The following EYS variants were observed in gnomAD, a reference collection of about 807,000 sequenced individuals.
The protein encoded by EYS is EGF-like photoreceptor maintenance factor.
EYS carries 250 observed loss-of-function variants against 282.1 expected under a neutral mutation model. The ratio of observed to expected loss-of-function variants is 0.89; its 90% CI spans 0.80 to 0.98. The LOEUF (loss-of-function observed/expected upper bound fraction) is 0.98, where lower values mean the gene tolerates loss of function less well. Among genes scored for constraint, EYS ranks in the 50% least tolerant of loss-of-function variants. EYS has a pLI of 0.00. For synonymous variants in EYS, 1,355 were observed against 1,282.9 expected, an observed-to-expected ratio of 1.06 and a Z score of -1.20; for missense variants, 4,016 against 3,709.0, an observed-to-expected ratio of 1.08 and a Z score of -2.15.
chr6:65,308,051 C>T lies in EYS; in HGVS notation c.1767-11932G>A, dbSNP rs1282187594. Among the ~76,000 whole-genome samples, 103 of 138,328 alleles carry T rather than the reference C, an allele frequency of 7.4e-4. 1 individual carries two copies. Among genetic ancestry groups the T allele is most frequent in the African/African-American group, 2.5e-3 (93 of 36,978 alleles). The allele number at this position is 138,328 out of a possible 152,430, so 90.7% of individuals were successfully genotyped here. A position where few individuals can be genotyped will look rare whatever the true frequency, so the allele number is the denominator to read the frequency against. ...GCAGTGGTGTGATCTCAGCTCACTG[C>T]AGCCTCCACCTCCCGGGTTCAAGCG... On this transcript the variant is annotated intron_variant, in intron 11 of 42. Transcript: ENST00000503581.
chr6:64,385,174 T>C (rs1368311643), intron 29 of EYS, among the ~76,000 whole-genome samples: 1 of 152,204 alleles, frequency 6.6e-6, no homozygotes, highest in Non-Finnish European at 1.5e-5. Flanking sequence ...AGAAACATAT[T>C]CAGAAGGCTG....
At chr6:63,762,834 A>T (rs1769682096) in intron 40 of EYS, among the ~76,000 whole-genome samples, 1 of 152,096 alleles carries the variant, frequency 6.6e-6, no homozygotes, top group African/African-American at 2.4e-5. Context: ...AAGACTTTAA[A>T]CGATTCAGAG....
intron 12 of EYS, among the ~76,000 whole-genome samples, chr6:65,195,779 A>C (rs368384790): frequency 6.6e-6 from 1 of 152,206 alleles, no homozygotes; most frequent in East Asian, 1.9e-4. Context: ...GCTGGCATAG[A>C]GATAAATTTG....
At chr6:64,099,063 T>C (rs1772735412) in intron 31 of EYS, among the ~76,000 whole-genome samples, 1 of 152,226 alleles carries the variant, frequency 6.6e-6, no homozygotes. Flanking sequence ...GATATTCTAA[T>C]GCCTCAATCC....
At chr6:64,513,121 T>C (rs1002011660) in intron 26 of EYS, among the ~76,000 whole-genome samples, 3 of 151,940 alleles carry the variant, frequency 2.0e-5, no homozygotes, top group South Asian at 2.1e-4. Context: ...ATCAGGTTCT[T>C]ATAAATCTAA....
At chr6:64,450,749 G>A (rs1244084948) in intron 26 of EYS, among the ~76,000 whole-genome samples, 1 of 152,174 alleles carries the variant, frequency 6.6e-6, no homozygotes, top group Non-Finnish European at 1.5e-5. Context: ...ACCTGCTCCT[G>A]AATGACTACT....
At position 64,276,117 on chromosome 6, in the gene EYS, A is replaced by C. The variant is rs961231077; in HGVS notation, c.6191+30853T>G. 2.6e-5 allele frequency among the ~76,000 whole-genome samples: 4 copies of C among 152,218 alleles called. No homozygotes were observed. The South Asian group carries it at 6.2e-4, about 24-fold the overall frequency. On this transcript the variant is annotated intron_variant, in intron 30 of 42. Transcript: ENST00000503581. ...TATTTTCTTTCCTTCTGAATATTTTAAGGTTTGGTCTTTAGATACCCCTTG... is the reference window on the plus strand; with the variant it reads ...TATTTTCTTTCCTTCTGAATATTTTCAGGTTTGGTCTTTAGATACCCCTTG...
At chr6:64,104,942 T>C (rs1381422231) in intron 31 of EYS, among the ~76,000 whole-genome samples, 2 of 151,896 alleles carry the variant, frequency 1.3e-5, no homozygotes, top group Non-Finnish European at 2.9e-5. Context: ...TGGGACTAGA[T>C]AAAGTATGAA....
At chr6:63,775,232 C>T (rs1770036469) in intron 40 of EYS, among the ~76,000 whole-genome samples, 1 of 152,292 alleles carries the variant, frequency 6.6e-6, no homozygotes, top group East Asian at 1.9e-4. Context: ...GAAACCTTAT[C>T]AGGCCCCATC....
chr6:64,030,714 G>A (rs1769781507), intron 33 of EYS, among the ~76,000 whole-genome samples: 2 of 152,174 alleles, frequency 1.3e-5, no homozygotes, highest in African/African-American at 4.8e-5. Context: ...TTTGGACCCT[G>A]TATTTTTAAC....
At chr6:64,496,559 T>C (rs995173106) in intron 26 of EYS, among the ~76,000 whole-genome samples, 67 of 152,020 alleles carry the variant, frequency 4.4e-4, no homozygotes, top group Admixed American at 4.4e-3. Flanking sequence ...TAATTCTAAG[T>C]ATATCTTTCT....
chr6:64,701,173 G>A (rs1006430517), intron 22 of EYS, among the ~76,000 whole-genome samples: 3 of 152,018 alleles, frequency 2.0e-5, no homozygotes, highest in South Asian at 2.1e-4. Context: ...GCCATATGCC[G>A]AATAACATAA....
At position 65,616,509 on chromosome 6, in the gene EYS, C is replaced by T. The variant is rs527602665; in HGVS notation, c.-333+23269G>A. Among the ~76,000 whole-genome samples the T allele has an allele frequency of 4.7e-4, 71 of 152,026 alleles. 1 individual carries two copies. Among genetic ancestry groups the T allele is most frequent in the African/African-American group, 1.5e-3 (62 of 41,402 alleles). On this transcript the variant is annotated intron_variant, in intron 2 of 42. Transcript: ENST00000503581. The stretch of plus-strand genomic sequence containing the variant: ...TGTTTTAAGAAGTAAATCTTTAGGC[C>T]GGGCGCAGTGGATCACACCTGTAAT...
intron 22 of EYS, among the ~76,000 whole-genome samples, chr6:64,798,156 A>G (rs1774418810): frequency 6.6e-6 from 1 of 151,956 alleles, no homozygotes; most frequent in Non-Finnish European, 1.5e-5. Flanking sequence ...ATATGCCTGC[A>G]TAGTGTTTAA....
rs572836860 is a variant in EYS at position 63,806,350 on chromosome 6, C to T, written c.7251G>A (p.Arg2417=). ...CTDAINITQP[R]FSGTDAFGYT... ...ATCCAAAGGCATCTGTGCCACTGAACCTTGGCTGAGTAATATTAATAGCTG... is the reference window on the plus strand; with the variant it reads ...ATCCAAAGGCATCTGTGCCACTGAATCTTGGCTGAGTAATATTAATAGCTG... The change falls in exon 37 of 43, where the codon AGG becomes AGA. Residue 2417 remains arginine (R), a synonymous_variant. Coordinates refer to ENST00000503581, the MANE Select transcript of EYS (RefSeq NM_001142800.2). 74 of 1,547,978 alleles carry T rather than the reference C, an allele frequency of 4.8e-5. 1 individual carries two copies. In the Admixed American group the frequency reaches 1.5e-3, roughly 31 times the overall value.
At chr6:64,532,639 G>A (rs1472945199) in intron 26 of EYS, among the ~76,000 whole-genome samples, 1 of 152,122 alleles carries the variant, frequency 6.6e-6, no homozygotes, top group African/African-American at 2.4e-5. Flanking sequence ...AACCCGGGAG[G>A]TGGAGTTTGC....
rs546586069 is a variant in EYS at position 64,817,636 on chromosome 6, T to A, written c.3243+4009A>T. Among the ~76,000 whole-genome samples the A allele has an allele frequency of 7.9e-5, 12 of 152,244 alleles. No individual in the cohort carries two copies. The South Asian group carries it at 2.5e-3, about 32-fold the overall frequency. On this transcript the variant is annotated intron_variant, in intron 21 of 42. Transcript: ENST00000503581. ...ACCCTCTTCTAGTCCACAGTGCCTA[T>A]TAGTCCCATGTTTATCTCCATAGGT...
chr6:64,769,450 T>C (rs1294607306), intron 22 of EYS, among the ~76,000 whole-genome samples: 1 of 152,006 alleles, frequency 6.6e-6, no homozygotes, highest in Admixed American at 6.6e-5. Context: ...AAATTTTAAA[T>C]CATAAGTTTA....
intron 34 of EYS, among the ~76,000 whole-genome samples, chr6:63,991,836 A>C (rs1193814429): frequency 6.6e-6 from 1 of 151,900 alleles, no homozygotes; most frequent in East Asian, 1.9e-4. Flanking sequence ...TAAAAGATGC[A>C]CAAAAAAGGC....
Sources: allele counts gnomAD v4.1 joint callset (sites outside exome capture counted in the v4.1 genomes callset), GRCh38; gene constraint gnomAD v4.1.1; transcripts MANE v1.5; gene names NCBI Gene and HGNC (gene_info 2026-07-23, HGNC 2026-07-21).